Variants in RGS17 observed in about 807,000 individuals in gnomAD.
The protein encoded by RGS17 is regulator of G-protein signaling 17.
Under a neutral mutation model 25.5 loss-of-function variants are expected in RGS17, and 12 were observed. The observed-to-expected ratio is 0.47, with a 90% CI of 0.30 to 0.76. The LOEUF is 0.76. Among genes scored for constraint, RGS17 ranks in the 30% least tolerant of loss-of-function variants. The pLI, the probability that RGS17 is intolerant of heterozygous loss-of-function variation, is 0.07. For missense variants in RGS17, 196 were observed against 242.2 expected (o/e 0.81, Z 1.27); for synonymous variants, 71 against 76.9 (o/e 0.92, Z 0.40).
At chr6:153,089,039 G>A (rs757070165) in intron 1 of RGS17, among the ~76,000 whole-genome samples, 1 of 152,074 alleles carries the variant, frequency 6.6e-6, no homozygotes, top group African/African-American at 2.4e-5. Context: ...AGAATCTCAA[G>A]AACTGCTCCC....
intron 1 of RGS17, among the ~76,000 whole-genome samples, chr6:153,107,257 C>T (rs941948196): frequency 7.2e-5 from 11 of 151,882 alleles, no homozygotes; most frequent in Non-Finnish European, 1.5e-4. Context: ...CGCTTGAACC[C>T]GGGAGGTGGA....
At chr6:153,028,589 G>A (rs1303309768) in intron 2 of RGS17, among the ~76,000 whole-genome samples, 2 of 152,110 alleles carry the variant, frequency 1.3e-5, no homozygotes, top group Non-Finnish European at 2.9e-5. Context: ...CAGTCATGAT[G>A]GGAAAAGTGG....
At chr6:153,120,930 C>T (rs1254291485) in intron 1 of RGS17, among the ~76,000 whole-genome samples, 1 of 152,142 alleles carries the variant, frequency 6.6e-6, no homozygotes, top group African/African-American at 2.4e-5. Flanking sequence ...AGATCCTGGT[C>T]TAGCCATTTA....
chr6:153,023,417 C>G (rs1409783806), intron 4 of RGS17: 2 of 501,312 alleles, frequency 4.0e-6, no homozygotes, highest in African/African-American at 3.9e-5. Flanking sequence ...TGCTTTGAAG[C>G]CCTCTGGAGC....
In RGS17 at chr6:153,015,812, C is replaced by T. The variant is rs1779177350; in HGVS notation, c.445-4050G>A. ...GGGACTACAGGCGCCCGCCACCACG[C>T]CCGGCTAATTTTTTGTATTTTTAGT... On this transcript the variant is annotated intron_variant, in intron 4 of 4. Coordinates refer to ENST00000206262, the MANE Select transcript of RGS17 (RefSeq NM_012419.5). Among the ~76,000 whole-genome samples, 3 of 152,060 alleles carry T rather than the reference C, an allele frequency of 2.0e-5. No homozygotes were observed. In the South Asian group the frequency reaches 6.2e-4, roughly 31 times the overall value.
intron 1 of RGS17, among the ~76,000 whole-genome samples, chr6:153,129,074 T>G (rs896003482): frequency 6.6e-6 from 1 of 152,234 alleles, no homozygotes; most frequent in Admixed American, 6.5e-5. Context: ...TGAGATCACG[T>G]GTCATTGCCA....
intron 1 of RGS17, among the ~76,000 whole-genome samples, chr6:153,085,002 G>C (rs1777034040): frequency 6.6e-6 from 1 of 152,152 alleles, no homozygotes; most frequent in Admixed American, 6.5e-5. Context: ...GAAACAAAAT[G>C]AATGTACAAG....
At chr6:153,014,707 A>G (rs1297745951) in intron 4 of RGS17, among the ~76,000 whole-genome samples, 1 of 151,732 alleles carries the variant, frequency 6.6e-6, no homozygotes, top group Non-Finnish European at 1.5e-5. Context: ...CTGAGGCAGG[A>G]GAATGGCGTG....
chr6:153,014,986 C>T (rs984956832), intron 4 of RGS17, among the ~76,000 whole-genome samples: 3 of 152,102 alleles, frequency 2.0e-5, no homozygotes, highest in African/African-American at 7.2e-5. Flanking sequence ...AAAGTTGATT[C>T]CAACCCTCCT....
At chr6:153,065,879 A>G (rs1776699923) in intron 1 of RGS17, among the ~76,000 whole-genome samples, 1 of 152,144 alleles carries the variant, frequency 6.6e-6, no homozygotes, top group African/African-American at 2.4e-5. Context: ...AGAACTAGAA[A>G]AGCAAGATAA....
chr6:153,054,459 G>A (rs1776523577), intron 1 of RGS17, among the ~76,000 whole-genome samples: 1 of 151,540 alleles, frequency 6.6e-6, no homozygotes, highest in Non-Finnish European at 1.5e-5. Flanking sequence ...AGACCAGCCT[G>A]ACCATACATG....
At chr6:153,024,722 G>A (rs1779282224) in intron 3 of RGS17, among the ~76,000 whole-genome samples, 1 of 152,216 alleles carries the variant, frequency 6.6e-6, no homozygotes, top group Admixed American at 6.5e-5. Flanking sequence ...GACATGTAGG[G>A]AGACAAGCAT....
rs980138072 is a variant in RGS17 at position 153,049,082 on chromosome 6, GA to G, written c.-25-5040del. 5.3e-5 allele frequency among the ~76,000 whole-genome samples: 8 copies of G among 151,838 alleles called. No homozygotes were observed. The East Asian group carries it at 5.8e-4, about 11-fold the overall frequency. Reference sequence around the variant, plus strand: ...TTTTGCAGCCAATGCAACAAAATTAGAAAAAATAAATAAAAATTGGAAAAGA... The same window carrying G: ...TTTTGCAGCCAATGCAACAAAATTAGAAAAATAAATAAAAATTGGAAAAGA... On this transcript the variant is annotated intron_variant, in intron 1 of 4. Transcript: ENST00000206262.
At chr6:153,076,382 A>G (rs139999917) in intron 1 of RGS17, among the ~76,000 whole-genome samples, 1 of 152,332 alleles carries the variant, frequency 6.6e-6, no homozygotes. Context: ...TAATATTGCA[A>G]CTGAATTAGA....
intron 1 of RGS17, among the ~76,000 whole-genome samples, chr6:153,114,131 A>G (rs1281965): frequency 0.1 from 15,940 of 152,208 alleles, 892 homozygotes; most frequent in Admixed American, 0.16. Flanking sequence ...AAAAAAATCA[A>G]TGAATCCAGG....
intron 1 of RGS17, among the ~76,000 whole-genome samples, chr6:153,050,169 C>A (rs1289799340): frequency 6.6e-6 from 1 of 152,110 alleles, no homozygotes; most frequent in African/African-American, 2.4e-5. Context: ...ATAGATGTTA[C>A]AAATTCTAAA....
At chr6:153,054,540 A>C (rs1441734154) in intron 1 of RGS17, among the ~76,000 whole-genome samples, 2 of 151,938 alleles carry the variant, frequency 1.3e-5, no homozygotes, top group Non-Finnish European at 2.9e-5. Context: ...GACCCCAGCT[A>C]CTTGGGAGGC....
At chr6:153,026,737 T>A (rs983953972) in intron 2 of RGS17, among the ~76,000 whole-genome samples, 194 bp from the exon 3 acceptor site, 12 of 152,328 alleles carry the variant, frequency 7.9e-5, no homozygotes, top group Middle Eastern at 3.4e-3. Flanking sequence ...AATTTTTAAA[T>A]AAAATTATAT....
At chr6:153,034,079 T>A (rs927246812) in intron 2 of RGS17, among the ~76,000 whole-genome samples, 2 of 152,156 alleles carry the variant, frequency 1.3e-5, no homozygotes, top group Non-Finnish European at 2.9e-5. Flanking sequence ...TAAAACCCTG[T>A]TAGTGAATAT....
Sources: gnomAD v4.1 joint callset for allele counts (sites outside exome capture counted in the v4.1 genomes callset) on GRCh38, gnomAD v4.1.1 for gene constraint, MANE v1.5 for transcripts, NCBI Gene and HGNC (gene_info 2026-07-23, HGNC 2026-07-21) for gene names.